Variants in SPTBN2 observed in about 807,000 individuals in gnomAD.
SPTBN2 encodes the protein spectrin beta, non-erythrocytic 2.
A neutral mutation model predicts 284.2 loss-of-function variants in SPTBN2; 107 were observed. The observed-to-expected ratio is 0.38, with a 90% CI of 0.32 to 0.44. The LOEUF (loss-of-function observed/expected upper bound fraction) is 0.44. Ranked by LOEUF, SPTBN2 falls within the 20% of genes least tolerant of loss-of-function variation. The pLI, the probability that SPTBN2 is intolerant of heterozygous loss-of-function variation, is 1.00. For synonymous variants in SPTBN2, 1,289 were observed against 1,354.8 expected, an observed-to-expected ratio of 0.95 and a Z score of 1.07; for missense variants, 2,569 against 3,287.1, an observed-to-expected ratio of 0.78 and a Z score of 5.34.
chr11:66,691,230 T>C lies in SPTBN2; in HGVS notation c.5565+54A>G. 1 of 1,500,128 alleles carries C rather than the reference T, an allele frequency of 6.7e-7. No homozygotes were observed. The allele number at this position is 1,500,128 out of a possible 1,614,324, so 92.9% of individuals were successfully genotyped here. A position where few individuals can be genotyped will look rare whatever the true frequency, so the allele number is the denominator to read the frequency against. On this transcript the variant is annotated intron_variant, in intron 27 of 37. Coordinates refer to ENST00000533211, the MANE Select transcript of SPTBN2 (RefSeq NM_006946.4). The surrounding 1 kb of genome is among the most constrained non-coding windows in gnomAD (Gnocchi z 8.0). ...TAGCTCCTGGGAACTCTCCCCGGCA[T>C]TTCCCCCATGGCCTCCTCTAAGCCT... is the stretch of plus-strand genomic sequence containing the variant.
At chr11:66,732,625 G>A (rs1207686014), upstream of SPTBN2, among the ~76,000 whole-genome samples, 1 of 138,426 alleles carries the variant, frequency 7.2e-6, no homozygotes, top group Non-Finnish European at 1.5e-5. Context: ...ACTCCAGCCT[G>A]GGCAACAGAG....
Position 66,705,813 on chromosome 11 carries a change from C to T in SPTBN2, c.1678G>A (p.Gly560Ser). Residue 560 changes from glycine (G) to serine (S), a missense_variant, in exon 14 of 38, where the codon GGC (glycine) becomes AGC (serine). By Grantham distance (56) the Gly-to-Ser change is moderately conservative (BLOSUM62 0). Around this residue, in one of 6 missense-constraint regions of SPTBN2, gnomAD observed 1,012 missense variants for 1,248.9 expected, o/e 0.81. Coordinates refer to ENST00000533211, the MANE Select transcript of SPTBN2 (RefSeq NM_006946.4). ...TCCTCCACTCCTGCTAGGTGCCTGC[C>T]CAGGTCCTGAGACTGCAGCCGGCCC... is the stretch of plus-strand genomic sequence containing the variant. The part of the protein sequence containing the change: ...MKGRLQSQDL[G>S]RHLAGVEDLL... 6.2e-7 allele frequency: 1 copy of T among 1,612,444 alleles called. No individual in the cohort carries two copies. Among genetic ancestry groups the T allele is most frequent in the Non-Finnish European group, 8.5e-7 (1 of 1,179,862 alleles).
In SPTBN2 at chr11:66,684,037, G is replaced by A. The variant is rs78094475; in HGVS notation, c.*1834C>T. Among the ~76,000 whole-genome samples, 7,637 of 152,246 alleles carry A rather than the reference G, an allele frequency of 0.05. 204 individuals carry two copies. The highest frequency in any genetic ancestry group is 0.092 in the Middle Eastern group (27 of 294). On this transcript the variant is annotated 3_prime_UTR_variant, in exon 38 of 38. Coordinates refer to ENST00000533211, the MANE Select transcript of SPTBN2 (RefSeq NM_006946.4). ...TATCCTGCAGGCTCTCTGGTCTACC[G>A]GTTTGGAGCCCACTCTGGGGCTGTG...
At chr11:66,688,411 T>C (rs1565110989) in intron 31 of SPTBN2, 100 bp from the exon 32 acceptor site, 1 of 1,538,376 alleles carries the variant, frequency 6.5e-7, no homozygotes, top group East Asian at 2.4e-5. Context: ...TGATGAAATA[T>C]GATAAGAGGA....
rs1227261724 is a variant in SPTBN2, at chr11:66,710,959, G to A, written c.843C>T (p.Ser281=). Residue 281 remains serine, a synonymous_variant, in exon 9 of 38, where the codon TCC becomes TCT. Transcript: ENST00000533211. The surrounding 1 kb of genome is among the most constrained non-coding windows in gnomAD (Gnocchi z 4.9). The stretch of plus-strand genomic sequence containing the variant: ...CTTCCACGGCCAGGGCCTTCATCTT[G>A]GAGAAGTAATGGTAGTAAGTAGCCA... ...TYVATYYHYF[S]KMKALAVEGK... The A allele has an allele frequency of 6.2e-7, 1 of 1,614,220 alleles. No homozygotes were observed. Among genetic ancestry groups the A allele is most frequent in the South Asian group, 1.1e-5 (1 of 91,088 alleles).
chr11:66,701,529 ATCCCCATTGCT>A, intron 16 of SPTBN2, 44 bp downstream of exon 16: 1 of 1,613,646 alleles, frequency 6.2e-7, no homozygotes, highest in Non-Finnish European at 8.5e-7. Context: ...TCTCACTGCC[ATCCCCATTGCT>A]TCATTTTTCT....
chr11:66,692,449 C>A, intron 26 of SPTBN2, 87 bp downstream of exon 26: 1 of 1,521,782 alleles, frequency 6.6e-7, no homozygotes, highest in Non-Finnish European at 9.0e-7. Context: ...CCCCTCAGTG[C>A]TCTGCCTGGG....
intron 7 of SPTBN2, 39 bp from the exon 8 acceptor site, chr11:66,713,785 T>C (rs986373829): frequency 6.7e-7 from 1 of 1,485,704 alleles, no homozygotes; most frequent in African/African-American, 1.4e-5. Flanking sequence ...CAGAAACATG[T>C]GAGATCTCGA....
rs1165162584 is a variant in SPTBN2 at position 66,698,731 on chromosome 11, C to T, written c.3922G>A (p.Glu1308Lys). Residue 1308 changes from glutamate (E) to lysine (K), a missense_variant, in exon 20 of 38, where the codon GAG (glutamate) becomes AAG (lysine). By Grantham distance (56) the Glu-to-Lys change is moderately conservative (BLOSUM62 1). Transcript: ENST00000533211. ...CACTTAGTATGCAGGTTGCGGGCCTCGTCATAGGACACGTCCTGGGCTGTC... is the reference window on the plus strand; with the variant it reads ...CACTTAGTATGCAGGTTGCGGGCCTTGTCATAGGACACGTCCTGGGCTGTC... ...MLTAQDVSYD[E>K]ARNLHTKWQK... is the part of the protein sequence containing the mutation. 1.9e-6 allele frequency: 3 copies of T among 1,614,230 alleles called. No individual in the cohort carries two copies. Among genetic ancestry groups the T allele is most frequent in the South Asian group, 1.1e-5 (1 of 91,090 alleles).
chr11:66,695,433 A>G (rs1319307090), intron 21 of SPTBN2, among the ~76,000 whole-genome samples: 2 of 151,916 alleles, frequency 1.3e-5, no homozygotes, highest in African/African-American at 4.8e-5. Context: ...TAATTTTTGT[A>G]GTTTTTGTAG....
intron 1 of SPTBN2, among the ~76,000 whole-genome samples, chr11:66,740,421 C>T (rs1942887763): frequency 6.6e-6 from 1 of 152,160 alleles, no homozygotes; most frequent in South Asian, 2.1e-4. Flanking sequence ...TCTAGTTGCC[C>T]CCATTAGCCC....
At chr11:66,729,797 C>T (rs960083402), upstream of SPTBN2, among the ~76,000 whole-genome samples, 2 of 152,066 alleles carry the variant, frequency 1.3e-5, no homozygotes, top group African/African-American at 4.8e-5. Flanking sequence ...GCATTTGAGG[C>T]TATTTATTAT....
intron 21 of SPTBN2, among the ~76,000 whole-genome samples, chr11:66,695,379 C>T (rs1940847092): frequency 6.6e-6 from 1 of 152,214 alleles, no homozygotes; most frequent in African/African-American, 2.4e-5. Context: ...CCTCAGCCTC[C>T]TGAGTAGCTG....
chr11:66,733,701 T>C (rs926966613), upstream of SPTBN2, among the ~76,000 whole-genome samples: 5 of 152,210 alleles, frequency 3.3e-5, no homozygotes, highest in South Asian at 2.1e-4. Context: ...TAGATGAGCA[T>C]TGATACAATT....
chr11:66,688,283 C>T lies in SPTBN2; in HGVS notation c.6260G>A (p.Arg2087Lys). 1 of 1,608,492 alleles carries T rather than the reference C, an allele frequency of 6.2e-7. No individual in the cohort carries two copies. Among genetic ancestry groups the T allele is most frequent in the Non-Finnish European group, 8.5e-7 (1 of 1,177,560 alleles). Residue 2087 changes from arginine (R) to lysine (K), a missense_variant, in exon 32 of 38, where the codon AGA becomes AAA. By Grantham distance (26) the Arg-to-Lys change is conservative. Around this residue, in one of 6 missense-constraint regions of SPTBN2, gnomAD observed 1,130 missense variants for 1,317.3 expected, o/e 0.86. Coordinates refer to ENST00000533211, the MANE Select transcript of SPTBN2 (RefSeq NM_006946.4). ...ALEEREKERKRKREEEERRKQ... is the reference protein window; with the variant it reads ...ALEEREKERKKKREEEERRKQ... ...CCGCCGCTCCTCCTCCTCCCTCTTT[C>T]TCTTTCGCTCCTTCTCCCGCTCCTC... is the stretch of plus-strand genomic sequence containing the variant.
In SPTBN2 at chr11:66,693,412, C is replaced by T. The variant is rs370867480; in HGVS notation, c.4628G>A (p.Arg1543Gln). The change falls in exon 24 of 38, where the codon CGG (arginine) becomes CAG (glutamine). Residue 1543 changes from arginine (R) to glutamine (Q), a missense_variant. Coordinates refer to ENST00000533211, the MANE Select transcript of SPTBN2 (RefSeq NM_006946.4). This position sits in a 1 kb window ranked among gnomAD's most constrained non-coding sequence, Gnocchi z 5.7. ...LQKEIQGHEP[R>Q]IADLRERQRA... Reference sequence around the variant, plus strand: ...CTGCCGCTCCCTCAGGTCCGCGATCCGGGGCTCATGGCCCTGAATCTCTTT... The same window carrying T: ...CTGCCGCTCCCTCAGGTCCGCGATCTGGGGCTCATGGCCCTGAATCTCTTT... 7.5e-6 allele frequency: 12 copies of T among 1,599,966 alleles called. No homozygotes were observed. The highest frequency in any genetic ancestry group is 2.2e-5 in the East Asian group (1 of 44,890).
In SPTBN2 at chr11:66,715,119, G is replaced by T; in HGVS notation, c.483+103C>A. ...ATGGCAGCTGCTACATAAGGTTCTAGATCCTCCATCTTTGTGTTTGTTGTG... is the reference window on the plus strand; with the variant it reads ...ATGGCAGCTGCTACATAAGGTTCTATATCCTCCATCTTTGTGTTTGTTGTG... On this transcript the variant is annotated intron_variant, in intron 5 of 37. Coordinates refer to ENST00000533211, the MANE Select transcript of SPTBN2 (RefSeq NM_006946.4). This position sits in a 1 kb window ranked among gnomAD's most constrained non-coding sequence, Gnocchi z 5.3. The T allele has an allele frequency of 6.8e-7, 1 of 1,466,802 alleles. No homozygotes were observed. Among genetic ancestry groups the T allele is most frequent in the Non-Finnish European group, 9.5e-7 (1 of 1,055,400 alleles). 90.9% of individuals were successfully genotyped at this position (1,466,802 alleles called of 1,614,324 possible).
In SPTBN2 at chr11:66,689,912, T is replaced by G; in HGVS notation, c.5842A>C (p.Asn1948His). The G allele has an allele frequency of 6.2e-7, 1 of 1,614,046 alleles. No homozygotes were observed. The highest frequency in any genetic ancestry group is 8.5e-7 in the Non-Finnish European group (1 of 1,180,000). ...DVSSADLVIK[N>H]QQGIKAEIEA... ...ATCTCTGCCTTGATGCCTTGCTGGT[T>G]CTTGATGACTAGATCCGCGGAGGAC... The change falls in exon 29 of 38, where the codon AAC becomes CAC. Residue 1948 changes from asparagine to histidine, a missense_variant. Coordinates refer to ENST00000533211, the MANE Select transcript of SPTBN2 (RefSeq NM_006946.4).
At chr11:66,696,133 C>T in intron 21 of SPTBN2, 144 bp downstream of exon 21, 1 of 1,074,284 alleles carries the variant, frequency 9.3e-7, no homozygotes, top group Admixed American at 2.0e-5. Flanking sequence ...CCTAGAGATT[C>T]TGATACTGGC....
Sources: allele counts gnomAD v4.1 joint callset (sites outside exome capture counted in the v4.1 genomes callset), GRCh38; gene constraint gnomAD v4.1.1; regional missense constraint gnomAD v4.1.1; non-coding constraint Gnocchi (gnomAD v3.1); transcripts MANE v1.5; gene names NCBI Gene and HGNC (gene_info 2026-07-23, HGNC 2026-07-21).